The following ADCY9 variants were observed in gnomAD, a reference collection of about 807,000 sequenced individuals.
ADCY9 encodes adenylate cyclase type 9.
In ADCY9, 50 loss-of-function variants were observed where a neutral mutation model predicts 101.5. That is an observed-to-expected ratio of 0.49 (90% confidence interval 0.39 to 0.62). ADCY9 has a LOEUF of 0.62. Ranked by LOEUF, ADCY9 falls within the 20% of genes least tolerant of loss-of-function variation. The pLI is 0.00. For synonymous variants in ADCY9, 905 were observed against 769.3 expected, an observed-to-expected ratio of 1.18 and a Z score of -2.92; for missense variants, 1,662 against 1,800.4, an observed-to-expected ratio of 0.92 and a Z score of 1.39.
intron 2 of ADCY9, among the ~76,000 whole-genome samples, chr16:4,065,279 G>A (rs565548558): frequency 6.6e-5 from 10 of 152,268 alleles, no homozygotes; most frequent in African/African-American, 2.2e-4. Flanking sequence ...CCCCGAACAC[G>A]TGCATGCTCC....
At position 3,975,587 on chromosome 16, in the gene ADCY9, C is replaced by A. The variant is rs1045411511; in HGVS notation, c.2829-877G>T. Among the ~76,000 whole-genome samples the A allele has an allele frequency of 7.2e-5, 11 of 152,254 alleles. No individual in the cohort carries two copies. In the East Asian group the frequency reaches 2.1e-3, roughly 29 times the overall value. ...CTTGGCAACAGCAATGCCACTCCAACGGGGCATTTCGGAAATGCCAGGGGT... is the reference window on the plus strand; with the variant it reads ...CTTGGCAACAGCAATGCCACTCCAAAGGGGCATTTCGGAAATGCCAGGGGT... On this transcript the variant is annotated intron_variant, in intron 9 of 10. Transcript: ENST00000294016.
intron 5 of ADCY9, among the ~76,000 whole-genome samples, chr16:3,954,497 T>C (rs1017683051): frequency 2.0e-4 from 30 of 152,136 alleles, no homozygotes; most frequent in Non-Finnish European, 5.9e-5. Flanking sequence ...TGCCTGGTGC[T>C]GAAACCAGAA....
At chr16:3,960,552 A>G (rs1168769266), downstream of ADCY9, among the ~76,000 whole-genome samples, 1 of 152,160 alleles carries the variant, frequency 6.6e-6, no homozygotes, top group African/African-American at 2.4e-5. Flanking sequence ...CAACAACAAC[A>G]AAAAATCAAA....
At chr16:4,102,648 C>A (rs928024352) in intron 2 of ADCY9, among the ~76,000 whole-genome samples, 4 of 152,166 alleles carry the variant, frequency 2.6e-5, no homozygotes, top group African/African-American at 9.7e-5. Flanking sequence ...TGGTCTCGAA[C>A]TCCCGACCTC....
At chr16:4,090,595 G>C (rs2056967262) in intron 2 of ADCY9, among the ~76,000 whole-genome samples, 1 of 152,050 alleles carries the variant, frequency 6.6e-6, no homozygotes, top group African/African-American at 2.4e-5. Context: ...CTGGGCACGA[G>C]ACGCTCAGGG....
At chr16:3,974,066 C>T (rs1023067715) in intron 10 of ADCY9, among the ~76,000 whole-genome samples, 1 of 152,156 alleles carries the variant, frequency 6.6e-6, no homozygotes, top group Admixed American at 6.5e-5. Context: ...TTTTGAGACA[C>T]AGTCTCATTC....
rs1157829648 is a variant in ADCY9 at position 4,007,528 on chromosome 16, C to G, written c.1724G>C (p.Arg575Thr). The G allele has an allele frequency of 6.2e-7, 1 of 1,610,840 alleles. No homozygotes were observed. Among genetic ancestry groups the G allele is most frequent in the Non-Finnish European group, 8.5e-7 (1 of 1,179,142 alleles). Residue 575 changes from arginine (R) to threonine (T), a missense_variant, in exon 3 of 11, where the codon AGA (arginine) becomes ACA (threonine). This residue lies in a region of ADCY9 where 624 missense variants were observed against 639.1 expected (regional missense o/e 0.98). Coordinates refer to ENST00000294016, the MANE Select transcript of ADCY9 (RefSeq NM_001116.4). Reference sequence around the variant, plus strand: ...ACAGCTGCAGCGAGACTCCTTGGCTCTCTGACCCGATATCAGGTATGTCTT... The same window carrying G: ...ACAGCTGCAGCGAGACTCCTTGGCTGTCTGACCCGATATCAGGTATGTCTT... ...GLKTYLISGQ[R>T]AKESRCSCAE...
At chr16:4,108,754 G>A (rs1252626946) in intron 2 of ADCY9, among the ~76,000 whole-genome samples, 1 of 142,842 alleles carries the variant, frequency 7.0e-6, no homozygotes, top group African/African-American at 2.6e-5. Context: ...CGCCCAGGCT[G>A]GAGTGCAATG....
chr16:4,095,714 C>T lies in ADCY9; in HGVS notation c.1693+18036G>A, dbSNP rs573281986. Among the ~76,000 whole-genome samples, 17 of 152,260 alleles carry T rather than the reference C, an allele frequency of 1.1e-4. No homozygotes were observed. In the East Asian group the frequency reaches 2.7e-3, roughly 24 times the overall value. ...TTCCCAGACCAGGCACCATGGGTCA[C>T]GCCTGTAATCACAGCACTTTAGGAG... On this transcript the variant is annotated intron_variant, in intron 2 of 10. Coordinates refer to ENST00000294016, the MANE Select transcript of ADCY9 (RefSeq NM_001116.4).
At chr16:3,983,155 C>T (rs748421718) in intron 7 of ADCY9, 77 bp downstream of exon 7, 76 of 1,363,258 alleles carry the variant, frequency 5.6e-5, no homozygotes, top group East Asian at 1.0e-4. Context: ...CCAGTCCAAC[C>T]GCTCAGCCAT....
intron 4 of ADCY9, 84 bp downstream of exon 4, chr16:3,993,322 A>C (rs749728880): frequency 6.3e-7 from 1 of 1,577,096 alleles, no homozygotes; most frequent in African/African-American, 1.3e-5. Context: ...TCTCAGAACT[A>C]AGAAGTCGAC....
chr16:4,007,554 C>G lies in ADCY9; in HGVS notation c.1698G>C (p.Leu566Phe). The change falls in exon 3 of 11, where the codon TTG becomes TTC. Residue 566 changes from leucine (L) to phenylalanine (F), a missense_variant. Physicochemically the swap from Leu to Phe is conservative, Grantham distance 22. This residue lies in a region of ADCY9 where 624 missense variants were observed against 639.1 expected (regional missense o/e 0.98). Transcript: ENST00000294016. ...TCTGACCCGATATCAGGTATGTCTTCAAACCTATGATGGATAAAAGTTACA... is the reference window on the plus strand; with the variant it reads ...TCTGACCCGATATCAGGTATGTCTTGAAACCTATGATGGATAAAAGTTACA... Reference protein sequence around the residue: ...QSVVADQLKGLKTYLISGQRA... With the variant: ...QSVVADQLKGFKTYLISGQRA... The G allele has an allele frequency of 6.2e-7, 1 of 1,605,828 alleles. No homozygotes were observed. Among genetic ancestry groups the G allele is most frequent in the Non-Finnish European group, 8.5e-7 (1 of 1,177,260 alleles).
chr16:3,993,754 A>G (rs998498715), intron 3 of ADCY9, among the ~76,000 whole-genome samples: 7 of 152,212 alleles, frequency 4.6e-5, no homozygotes, highest in African/African-American at 1.7e-4. Context: ...CTGACTGAAC[A>G]ATGGATCAAC....
intron 6 of ADCY9, among the ~76,000 whole-genome samples, chr16:3,986,753 C>T (rs543448804): frequency 2.2e-4 from 34 of 152,250 alleles, no homozygotes; most frequent in African/African-American, 6.5e-4. Context: ...CCACCGCGCC[C>T]GGCCATGTTT....
At chr16:4,076,548 G>C (rs2056868426) in intron 2 of ADCY9, among the ~76,000 whole-genome samples, 1 of 152,172 alleles carries the variant, frequency 6.6e-6, no homozygotes, top group African/African-American at 2.4e-5. Context: ...GGTCTAAGTG[G>C]ATCTTGTGAT....
chr16:3,984,163 T>C (rs1392892945), intron 6 of ADCY9: 4 of 152,222 alleles, frequency 2.6e-5, no homozygotes, highest in African/African-American at 7.2e-5. Context: ...TATATTTAGC[T>C]GCAAGATGAG....
At chr16:3,986,161 G>A (rs932846289) in intron 6 of ADCY9, among the ~76,000 whole-genome samples, 4 of 152,224 alleles carry the variant, frequency 2.6e-5, no homozygotes, top group African/African-American at 4.8e-5. Flanking sequence ...TGATACCCAC[G>A]CGTCCATGCC....
intron 2 of ADCY9, among the ~76,000 whole-genome samples, chr16:4,046,856 T>A (rs192724521): frequency 0.054 from 8,198 of 151,954 alleles, 761 homozygotes; most frequent in African/African-American, 0.19. Context: ...AGTTTTTTTT[T>A]TAAATTATCC....
At chr16:4,025,202 A>T (rs1332350097) in intron 2 of ADCY9, among the ~76,000 whole-genome samples, 1 of 152,016 alleles carries the variant, frequency 6.6e-6, no homozygotes, top group African/African-American at 2.4e-5. Context: ...CGTCTCTATT[A>T]AAAAATATAT....
Sources: allele counts gnomAD v4.1 joint callset (sites outside exome capture counted in the v4.1 genomes callset), GRCh38; gene constraint gnomAD v4.1.1; regional missense constraint gnomAD v4.1.1; transcripts MANE v1.5; gene names NCBI Gene and HGNC (gene_info 2026-07-23, HGNC 2026-07-21).